Variants in RPS29 observed in about 807,000 individuals in gnomAD.
RPS29 encodes small ribosomal subunit protein uS14.
For missense variants in RPS29, 60 were observed against 75.7 expected (o/e 0.79, Z 0.77); for synonymous variants, 37 against 26.9 (o/e 1.37, Z -1.16).
chr14:49,577,871 G>A (rs758775197), intron 2 of RPS29: 9 of 1,571,384 alleles, frequency 5.7e-6, no homozygotes, highest in Non-Finnish European at 6.9e-6. Flanking sequence ...GGTAAAAGAG[G>A]ACCCATAAAA....
upstream of RPS29, among the ~76,000 whole-genome samples, chr14:49,587,124 A>G (rs377721230): frequency 6.6e-6 from 1 of 152,066 alleles, no homozygotes; most frequent in African/African-American, 2.4e-5. Context: ...TTTCAAATTT[A>G]TTTTTTTGAC....
intron 1 of RPS29, among the ~76,000 whole-genome samples, chr14:49,594,561 G>A (rs944537226): frequency 3.9e-5 from 6 of 152,166 alleles, no homozygotes; most frequent in African/African-American, 1.2e-4. Flanking sequence ...GAACTTAGAG[G>A]AGTGAAAGTT....
intron 1 of RPS29, 79 bp from the exon 2 acceptor site, chr14:49,586,128 C>T (rs1353919085): frequency 1.1e-5 from 16 of 1,438,626 alleles, no homozygotes; most frequent in African/African-American, 1.4e-5. Flanking sequence ...ACCCGCATCC[C>T]GGGACTCCCA....
intron 1 of RPS29, 29 bp from the exon 2 acceptor site, chr14:49,586,078 G>A (rs778205919): frequency 5.6e-6 from 9 of 1,595,314 alleles, no homozygotes; most frequent in East Asian, 2.2e-5. Flanking sequence ...CGGTTTTGCA[G>A]GTCATAGAAA....
At chr14:49,584,884 A>G (rs1294434512) in intron 2 of RPS29, among the ~76,000 whole-genome samples, 1 of 152,030 alleles carries the variant, frequency 6.6e-6, no homozygotes, top group African/African-American at 2.4e-5. Flanking sequence ...CCTTAAAAAA[A>G]AAAACCCAAA....
exon 3 of RPS29, chr14:49,575,998 A>G (rs1881169153): frequency 6.6e-6 from 1 of 152,202 alleles, no homozygotes; most frequent in Non-Finnish European, 1.5e-5. Context: ...TAGCACACAT[A>G]ATCTAGGCTA....
chr14:49,578,707 C>T (rs1481087192), downstream of RPS29, among the ~76,000 whole-genome samples: 1 of 151,770 alleles, frequency 6.6e-6, no homozygotes, highest in Non-Finnish European at 1.5e-5. Flanking sequence ...ATTACAGGCG[C>T]ACACCACCAT....
intron 1 of RPS29, 55 bp downstream of exon 1, chr14:49,586,230 A>C: frequency 6.4e-7 from 1 of 1,573,098 alleles, no homozygotes; most frequent in Non-Finnish European, 8.8e-7. Flanking sequence ...TTGAGATTTT[A>C]AGCAGCCTAG....
chr14:49,585,864 G>C, intron 2 of RPS29, 86 bp downstream of exon 2: 1 of 1,017,138 alleles, frequency 9.8e-7, no homozygotes, highest in South Asian at 1.3e-5. Flanking sequence ...CTCCAGGGAA[G>C]ATCTGTCCGT....
chr14:49,591,111 T>C (rs889566454), upstream of RPS29, among the ~76,000 whole-genome samples: 8 of 149,814 alleles, frequency 5.3e-5, no homozygotes, highest in Admixed American at 5.3e-4. Context: ...GTACATATTA[T>C]ATTTTAAAGT....
At chr14:49,576,627 T>A (rs1881188256) in exon 3 of RPS29, 2 of 152,212 alleles carry the variant, frequency 1.3e-5, no homozygotes, top group African/African-American at 2.4e-5. Flanking sequence ...CATGCCTTGA[T>A]TATGGTTTGT....
chr14:49,585,681 C>A, intron 2 of RPS29: 1 of 472,088 alleles, frequency 2.1e-6, no homozygotes, highest in South Asian at 4.2e-5. Context: ...TCACCAAACA[C>A]AATACACGGC....
At chr14:49,588,057 G>A (rs1881628998), upstream of RPS29, among the ~76,000 whole-genome samples, 2 of 152,220 alleles carry the variant, frequency 1.3e-5, no homozygotes, top group Admixed American at 1.3e-4. Context: ...AGTCACTAAT[G>A]TGTGGTTTCC....
chr14:49,598,351 C>A (rs1458296195), intron 1 of RPS29: 5 of 645,146 alleles, frequency 7.8e-6, no homozygotes, highest in African/African-American at 1.8e-5. Flanking sequence ...TCTGGACGGT[C>A]TTTCCACGTC....
At chr14:49,589,110 G>A (rs1881658696), upstream of RPS29, among the ~76,000 whole-genome samples, 1 of 151,632 alleles carries the variant, frequency 6.6e-6, no homozygotes, top group African/African-American at 2.4e-5. Context: ...AGCCAGGATG[G>A]TCTCGATCTC....
chr14:49,580,221 C>T (rs1881296826), downstream of RPS29, among the ~76,000 whole-genome samples: 1 of 152,200 alleles, frequency 6.6e-6, no homozygotes, highest in Admixed American at 6.5e-5. Flanking sequence ...ACCTAACTCA[C>T]CACTACATAT....
At chr14:49,594,024 C>T (rs1881770275) in intron 1 of RPS29, among the ~76,000 whole-genome samples, 2 of 152,184 alleles carry the variant, frequency 1.3e-5, no homozygotes, top group African/African-American at 4.8e-5. Flanking sequence ...TGTACCTTTA[C>T]TCTTAATTCC....
downstream of RPS29, among the ~76,000 whole-genome samples, chr14:49,582,137 GAACTT>G (rs1881357977): frequency 6.6e-6 from 1 of 151,718 alleles, no homozygotes; most frequent in African/African-American, 2.4e-5. Flanking sequence ...TCAGTGAAAT[GAACTT>G]AAGTTCATTG....
At chr14:49,582,012 C>CCAAAAAAAAAAAAA (rs71115379), downstream of RPS29, among the ~76,000 whole-genome samples, 97 of 106,478 alleles carry the variant, frequency 9.1e-4, 1 homozygote, top group African/African-American at 4.0e-3. Context: ...CCCTGCCCCC[C>CCAAAAAAAAAAAAA]AAAAAAAAAA....
Sources: gnomAD v4.1 joint callset for allele counts (sites outside exome capture counted in the v4.1 genomes callset) on GRCh38, gnomAD v4.1.1 for gene constraint, MANE v1.5 for transcripts, NCBI Gene and HGNC (gene_info 2026-07-23, HGNC 2026-07-21) for gene names.